The following IGSF22 variants were observed in gnomAD, a reference collection of about 807,000 sequenced individuals.
IGSF22 encodes immunoglobulin superfamily member 22.
A neutral mutation model predicts 127.0 loss-of-function variants in IGSF22; 119 were observed. That is an observed-to-expected ratio of 0.94 (90% CI 0.81 to 1.09). IGSF22 has a LOEUF of 1.09. IGSF22 is among the 50% of genes least tolerant of loss of function. The pLI is 0.00. For missense variants in IGSF22, 1,518 were observed against 1,716.6 expected, an observed-to-expected ratio of 0.88 and a Z score of 2.04; for synonymous variants, 568 against 664.7, an observed-to-expected ratio of 0.85 and a Z score of 2.24.
Position 18,707,849 on chromosome 11 carries a change from T to C in IGSF22, c.3235A>G (p.Asn1079Asp). The C allele has an allele frequency of 6.2e-7, 1 of 1,613,098 alleles. No individual in the cohort carries two copies. Among genetic ancestry groups the C allele is most frequent in the Non-Finnish European group, 8.5e-7 (1 of 1,179,530 alleles). The change falls in exon 20 of 23, where the codon AAT becomes GAT. Residue 1079 changes from asparagine to aspartate, a missense_variant. This residue lies in a region of IGSF22 where 1,456 missense variants were observed against 1,644.9 expected (regional missense o/e 0.89). Transcript: ENST00000513874. ...DSGVYRILLQ[N>D]EFGEARYDIH... ...TCATAGCGTGCTTCTCCAAACTCATTCTGAAGCAAGATTCGGTACACCCCT... is the reference window on the plus strand; with the variant it reads ...TCATAGCGTGCTTCTCCAAACTCATCCTGAAGCAAGATTCGGTACACCCCT...
At chr11:18,705,018 C>T (rs1233119756) in intron 22 of IGSF22, among the ~76,000 whole-genome samples, 1 of 152,066 alleles carries the variant, frequency 6.6e-6, no homozygotes, top group Admixed American at 6.5e-5. Context: ...ACTCGAGAGA[C>T]AGAGCAACAG....
chr11:18,722,530 G>A (rs945798286), intron 2 of IGSF22, among the ~76,000 whole-genome samples: 2 of 152,090 alleles, frequency 1.3e-5, no homozygotes, highest in African/African-American at 4.8e-5. Flanking sequence ...GACAGGACAC[G>A]ACACAGTCCC....
intron 9 of IGSF22, among the ~76,000 whole-genome samples, 196 bp from the exon 10 acceptor site, chr11:18,717,196 T>C (rs1444449068): frequency 6.6e-6 from 1 of 152,212 alleles, no homozygotes; most frequent in African/African-American, 2.4e-5. Flanking sequence ...TCCCCAGTAA[T>C]GGTAACAGCA....
chr11:18,705,654 G>A, intron 22 of IGSF22, 163 bp downstream of exon 22: 2 of 632,684 alleles, frequency 3.2e-6, no homozygotes, highest in South Asian at 3.9e-5. Context: ...GACATCGAAA[G>A]GATGGGAGAG....
At chr11:18,718,208 A>G (rs1848498353) in intron 8 of IGSF22, 115 bp from the exon 9 acceptor site, 12 of 927,858 alleles carry the variant, frequency 1.3e-5, no homozygotes, top group Non-Finnish European at 1.9e-5. Context: ...CCCTCTAAAG[A>G]CAGAGATCCC....
intron 2 of IGSF22, 99 bp from the exon 3 acceptor site, chr11:18,722,140 C>T (rs1390899787): frequency 3.5e-6 from 5 of 1,438,494 alleles, no homozygotes; most frequent in Non-Finnish European, 3.8e-6. Flanking sequence ...AGCATGGGAA[C>T]AAAGAGCATT....
At chr11:18,715,151 G>T (rs1018195851) in intron 11 of IGSF22, among the ~76,000 whole-genome samples, 6 of 151,988 alleles carry the variant, frequency 3.9e-5, no homozygotes, top group Admixed American at 1.3e-4. Context: ...GGGTTGCTGG[G>T]GATGGTTAGA....
At chr11:18,710,977 T>C (rs1848345287) in intron 15 of IGSF22, 149 bp from the exon 16 acceptor site, 2 of 698,512 alleles carry the variant, frequency 2.9e-6, no homozygotes, top group Non-Finnish European at 4.7e-6. Context: ...GGTCTCACTC[T>C]GTTGCCCAGG....
At chr11:18,718,576 AGATATT>A (rs1227252579) in intron 8 of IGSF22, 33 bp downstream of exon 8, 1 of 1,094,480 alleles carries the variant, frequency 9.1e-7, no homozygotes, top group Admixed American at 1.7e-5. Flanking sequence ...AGAGAGGAAG[AGATATT>A]GCCAAGGTGG....
chr11:18,715,986 A>G (rs1253292400), intron 10 of IGSF22, among the ~76,000 whole-genome samples: 1 of 152,212 alleles, frequency 6.6e-6, no homozygotes, highest in Non-Finnish European at 1.5e-5. Flanking sequence ...GAACTTTTAC[A>G]GTGCTCAATA....
intron 1 of IGSF22, among the ~76,000 whole-genome samples, chr11:18,725,246 G>T (rs1381956634): frequency 6.6e-6 from 1 of 152,030 alleles, no homozygotes; most frequent in Admixed American, 6.5e-5. Context: ...TCCTGCCTCA[G>T]CCTCCCCAGC....
In IGSF22 at chr11:18,718,638, T is replaced by C; in HGVS notation, c.787A>G (p.Asn263Asp). Residue 263 changes from asparagine to aspartate, a missense_variant, in exon 8 of 23, where the codon AAT (asparagine) becomes GAT (aspartate). Physicochemically the swap from Asn to Asp is conservative, Grantham distance 23. Transcript: ENST00000513874. ...FDCIMELKDP[N>D]VKMIWIKGTE... ...ACCTTGATCCATATCATCTTGACAT[T>C]GGGGTCTTTCAGTTCCATTATGCAG... is the stretch of plus-strand genomic sequence containing the variant. 2 of 1,610,646 alleles carry C rather than the reference T, an allele frequency of 1.2e-6. No individual in the cohort carries two copies. The highest frequency in any genetic ancestry group is 1.7e-6 in the Non-Finnish European group (2 of 1,176,796).
intron 17 of IGSF22, among the ~76,000 whole-genome samples, 163 bp downstream of exon 17, chr11:18,710,164 G>A (rs761314378): frequency 6.6e-6 from 1 of 152,188 alleles, no homozygotes; most frequent in African/African-American, 2.4e-5. Context: ...TTTATTTGCT[G>A]GCTTTCTCTT....
rs768831615 is a variant in IGSF22 at position 18,713,948 on chromosome 11, T to C, written c.1999A>G (p.Ile667Val). 8 of 1,614,126 alleles carry C rather than the reference T, an allele frequency of 5.0e-6. No homozygotes were observed. Among genetic ancestry groups the C allele is most frequent in the African/African-American group, 2.7e-5 (2 of 74,936 alleles). The change falls in exon 14 of 23, where the codon ATC becomes GTC. Residue 667 changes from isoleucine (I) to valine (V), a missense_variant. By Grantham distance (29) the Ile-to-Val change is conservative. This residue lies in a region of IGSF22 where 1,456 missense variants were observed against 1,644.9 expected (regional missense o/e 0.89). Transcript: ENST00000513874. ...ERGEDQALLTISNCVREDSGL... is the reference protein window; with the variant it reads ...ERGEDQALLTVSNCVREDSGL... ...CTGTCTTCACGCACACAGTTGGAGA[T>C]GGTGAGCAGTGCCTGGTCTTCCCCG...
In IGSF22 at chr11:18,712,167, G is replaced by A. The variant is rs1308823661; in HGVS notation, c.2313C>T (p.Ala771=). Residue 771 remains alanine, a synonymous_variant, in exon 15 of 23, where the codon GCC becomes GCT. Coordinates refer to ENST00000513874, the MANE Select transcript of IGSF22 (RefSeq NM_173588.4). ...TGACTGCCAGGATACGGAACTGGTAGGCTTTTCCCTCTTCCACCTTGTTGG... is the reference window on the plus strand; with the variant it reads ...TGACTGCCAGGATACGGAACTGGTAAGCTTTTCCCTCTTCCACCTTGTTGG... ...FSTNKVEEGK[A]YQFRILAVNS... is the part of the protein sequence containing the mutation. The A allele has an allele frequency of 6.4e-6, 10 of 1,551,636 alleles. No individual in the cohort carries two copies. The highest frequency in any genetic ancestry group is 2.0e-5 in the Admixed American group (1 of 50,996).
chr11:18,710,444 T>C lies in IGSF22; in HGVS notation c.2584A>G (p.Thr862Ala). 6.2e-7 allele frequency: 1 copy of C among 1,614,134 alleles called. No homozygotes were observed. Among genetic ancestry groups the C allele is most frequent in the Non-Finnish European group, 8.5e-7 (1 of 1,180,030 alleles). ...GTGTCCTCCAGGAGACCATCCACAG[T>C]GCACTTGGTGCCTGAAATGGGAAGA... ...NKDPIQGTKCTVDGLLEDTEY... is the reference protein window; with the variant it reads ...NKDPIQGTKCAVDGLLEDTEY... The change falls in exon 17 of 23, where the codon ACT (threonine) becomes GCT (alanine). Residue 862 changes from threonine to alanine, a missense_variant. Transcript: ENST00000513874.
chr11:18,707,671 C>CT (rs1348048419), intron 20 of IGSF22, 133 bp downstream of exon 20: 3 of 706,124 alleles, frequency 4.2e-6, no homozygotes, highest in African/African-American at 1.8e-5. Context: ...AAGTCTTGCT[C>CT]TGTGGTGTCA....
chr11:18,709,646 A>T lies in IGSF22; in HGVS notation c.2739T>A (p.Asp913Glu). 1 of 1,614,136 alleles carries T rather than the reference A, an allele frequency of 6.2e-7. No individual in the cohort carries two copies. The highest frequency in any genetic ancestry group is 1.1e-5 in the South Asian group (1 of 91,084). ...CCAGGGAAATGCTGGAGTTGGAGGA[A>T]TCAGATACATGCAGGTCCTGGACCA... ...PGLVQDLHVS[D>E]SSNSSISLAW... Residue 913 changes from aspartate to glutamate, a missense_variant, in exon 18 of 23, where the codon GAT becomes GAA. Asp to Glu is a conservative substitution (Grantham distance 45). Transcript: ENST00000513874. The surrounding 1 kb of genome is among the most constrained non-coding windows in gnomAD (Gnocchi z 4.8).
chr11:18,719,678 C>T (rs1336729472), intron 7 of IGSF22, 38 bp downstream of exon 7: 3 of 1,599,948 alleles, frequency 1.9e-6, no homozygotes, highest in Non-Finnish European at 2.6e-6. Context: ...AAGCCCTGCC[C>T]CTAGCCTGCA....
Sources: gnomAD v4.1 joint callset for allele counts (sites outside exome capture counted in the v4.1 genomes callset) on GRCh38, gnomAD v4.1.1 for gene constraint, gnomAD v4.1.1 regional missense constraint, Gnocchi (gnomAD v3.1) non-coding constraint, MANE v1.5 for transcripts, NCBI Gene and HGNC (gene_info 2026-07-23, HGNC 2026-07-21) for gene names.